The following WWTR1 variants were observed in gnomAD, a reference collection of about 807,000 sequenced individuals.
WWTR1 encodes WW domain containing transcription regulator 1.
Under a neutral mutation model 40.1 loss-of-function variants are expected in WWTR1, and 13 were observed. That is an observed-to-expected ratio of 0.32 (90% CI 0.21 to 0.52). The LOEUF is 0.52. Among genes scored for constraint, WWTR1 ranks in the 20% least tolerant of loss-of-function variants. WWTR1 has a pLI of 0.97. For missense variants in WWTR1, 436 were observed against 523.1 expected, an observed-to-expected ratio of 0.83 and a Z score of 1.63; for synonymous variants, 230 against 210.1, an observed-to-expected ratio of 1.09 and a Z score of -0.82.
chr3:149,551,994 T>C (rs1015727395), intron 3 of WWTR1, among the ~76,000 whole-genome samples: 3 of 146,190 alleles, frequency 2.1e-5, no homozygotes, highest in Non-Finnish European at 3.0e-5. Context: ...AATCAAGCAC[T>C]ATTTATGACA....
intron 2 of WWTR1, among the ~76,000 whole-genome samples, chr3:149,618,801 G>A (rs1361416007): frequency 6.6e-6 from 1 of 152,156 alleles, no homozygotes; most frequent in East Asian, 1.9e-4. Context: ...AGCCTGGAAA[G>A]GTAAAGGAAG....
chr3:149,572,251 G>A (rs1737669579), intron 3 of WWTR1, among the ~76,000 whole-genome samples: 2 of 151,966 alleles, frequency 1.3e-5, no homozygotes, highest in African/African-American at 4.8e-5. Context: ...AGGCATGGAA[G>A]CACTTGGCAT....
intron 4 of WWTR1, among the ~76,000 whole-genome samples, chr3:149,539,557 A>T (rs1268302829): frequency 3.3e-5 from 5 of 152,218 alleles, no homozygotes; most frequent in African/African-American, 1.2e-4. Flanking sequence ...TGAGCAAGGG[A>T]TATTCAGGCA....
At chr3:149,694,777 A>C (rs1001453421) in intron 1 of WWTR1, among the ~76,000 whole-genome samples, 1 of 152,230 alleles carries the variant, frequency 6.6e-6, no homozygotes, top group African/African-American at 2.4e-5. Flanking sequence ...AAAACTAAAA[A>C]ACTACCATAT....
In WWTR1 at chr3:149,519,732, AG is replaced by A. The variant is rs1734953715; in HGVS notation, c.*1072del. 1 of 152,232 alleles carries A rather than the reference AG, an allele frequency of 6.6e-6. No individual in the cohort carries two copies. 9.4% of individuals were successfully genotyped at this position (152,232 alleles called of 1,614,324 possible). ...CGAGATGGGTGGATCACCTGAGATC[AG>A]GAGTTTGAGAACAGCCTGACCATTA... On this transcript the variant is annotated 3_prime_UTR_variant, in exon 7 of 7. Coordinates refer to ENST00000360632, the MANE Select transcript of WWTR1 (RefSeq NM_015472.6).
chr3:149,640,352 G>C (rs1433539970), intron 2 of WWTR1, among the ~76,000 whole-genome samples: 1 of 152,216 alleles, frequency 6.6e-6, no homozygotes, highest in Non-Finnish European at 1.5e-5. Context: ...TCTATGGCTT[G>C]CATCTCTGAT....
chr3:149,572,730 G>A (rs962863397), intron 3 of WWTR1, 134 bp downstream of exon 3: 11 of 1,077,422 alleles, frequency 1.0e-5, no homozygotes, highest in South Asian at 3.4e-5. Context: ...GCCTGTTATC[G>A]CAGCACTTTG....
At chr3:149,701,026 G>A (rs896069337) in intron 1 of WWTR1, among the ~76,000 whole-genome samples, 3 of 152,296 alleles carry the variant, frequency 2.0e-5, no homozygotes, top group Non-Finnish European at 4.4e-5. Context: ...AGCTGCAATC[G>A]GTGCGGTAGG....
At chr3:149,579,355 G>C (rs1280112332) in intron 2 of WWTR1, among the ~76,000 whole-genome samples, 3 of 152,116 alleles carry the variant, frequency 2.0e-5, no homozygotes, top group Non-Finnish European at 2.9e-5. Flanking sequence ...AGAATTTAAA[G>C]ACAGCCTGGG....
At position 149,517,273 on chromosome 3, in the gene WWTR1, A is replaced by C. The variant is rs1734830138; in HGVS notation, c.*3532T>G. Reference sequence around the variant, plus strand: ...GTCTTTATTTTTCTTATACAGATTCAGAGAAGTAAAAACCAGTACCAAACT... The same window carrying C: ...GTCTTTATTTTTCTTATACAGATTCCGAGAAGTAAAAACCAGTACCAAACT... On this transcript the variant is annotated 3_prime_UTR_variant, in exon 7 of 7. Transcript: ENST00000360632. The C allele has an allele frequency of 6.6e-6, 1 of 152,236 alleles. No homozygotes were observed. The allele number at this position is 152,236 out of a possible 1,614,324, so 9.4% of individuals were successfully genotyped here. A position where few individuals can be genotyped will look rare whatever the true frequency, so the allele number is the denominator to read the frequency against.
intron 4 of WWTR1, among the ~76,000 whole-genome samples, chr3:149,529,593 A>G (rs997223643): frequency 2.0e-5 from 3 of 152,366 alleles, no homozygotes; most frequent in African/African-American, 7.2e-5. Flanking sequence ...GATTTTCATC[A>G]TCTAAATCTT....
At chr3:149,679,379 A>C (rs939824458) in intron 1 of WWTR1, among the ~76,000 whole-genome samples, 1 of 152,222 alleles carries the variant, frequency 6.6e-6, no homozygotes, top group Non-Finnish European at 1.5e-5. Context: ...AGCATGATAT[A>C]ACAATATGGC....
intron 2 of WWTR1, among the ~76,000 whole-genome samples, chr3:149,590,173 C>A (rs1738626504): frequency 6.6e-6 from 1 of 151,926 alleles, no homozygotes; most frequent in Non-Finnish European, 1.5e-5. Flanking sequence ...CTAATAATGA[C>A]AATCATGGTA....
At chr3:149,722,403 T>C (rs1715774502) in intron 4 of WWTR1, among the ~76,000 whole-genome samples, 3 of 152,142 alleles carry the variant, frequency 2.0e-5, no homozygotes, top group Non-Finnish European at 2.9e-5. Flanking sequence ...GAATTTATTA[T>C]AAATATTCCC....
At chr3:149,697,891 G>T (rs1576645133) in intron 1 of WWTR1, among the ~76,000 whole-genome samples, 1 of 152,216 alleles carries the variant, frequency 6.6e-6, no homozygotes, top group Non-Finnish European at 1.5e-5. Context: ...AAGGAAAGGG[G>T]TAATAGGCCC....
At chr3:149,544,195 GTATAA>G (rs1251727047) in intron 3 of WWTR1, among the ~76,000 whole-genome samples, 1 of 152,066 alleles carries the variant, frequency 6.6e-6, no homozygotes, top group Non-Finnish European at 1.5e-5. Flanking sequence ...TGTATTAAAT[GTATAA>G]TATATGTGTA....
intron 2 of WWTR1, among the ~76,000 whole-genome samples, chr3:149,575,255 A>C (rs1737831858): frequency 6.6e-6 from 1 of 152,256 alleles, no homozygotes; most frequent in African/African-American, 2.4e-5. Flanking sequence ...ACTTCTGGGC[A>C]GGTGGAAACT....
intron 2 of WWTR1, among the ~76,000 whole-genome samples, chr3:149,645,007 C>T (rs1712406776): frequency 6.6e-6 from 1 of 152,100 alleles, no homozygotes; most frequent in African/African-American, 2.4e-5. Context: ...TACACGCCAC[C>T]ATGCCCAACT....
intron 2 of WWTR1, among the ~76,000 whole-genome samples, chr3:149,612,609 A>T (rs188429097): frequency 2.1e-4 from 32 of 152,334 alleles, no homozygotes; most frequent in African/African-American, 7.2e-4. Flanking sequence ...AGAGACTCTA[A>T]CATCTTGGGT....
Sources: gnomAD v4.1 joint callset for allele counts (sites outside exome capture counted in the v4.1 genomes callset) on GRCh38, gnomAD v4.1.1 for gene constraint, MANE v1.5 for transcripts, NCBI Gene and HGNC (gene_info 2026-07-23, HGNC 2026-07-21) for gene names.